The following TSPOAP1 variants were observed in gnomAD, a reference collection of about 807,000 sequenced individuals.
The protein encoded by TSPOAP1 is TSPO associated protein 1, also known as peripheral-type benzodiazepine receptor-associated protein 1.
Under a neutral mutation model 197.0 loss-of-function variants are expected in TSPOAP1, and 87 were observed. The observed-to-expected ratio is 0.44, with a 90% confidence interval of 0.37 to 0.53. The LOEUF (loss-of-function observed/expected upper bound fraction) is 0.53. Ranked by LOEUF, TSPOAP1 falls within the 20% of genes least tolerant of loss-of-function variation. TSPOAP1 has a pLI of 0.00. For synonymous variants in TSPOAP1, 913 were observed against 998.9 expected (o/e 0.91, Z 1.62); for missense variants, 2,174 against 2,411.3 (o/e 0.90, Z 2.06).
In TSPOAP1 at chr17:58,305,627, G is replaced by T. The variant is rs371064450; in HGVS notation, c.5274C>A (p.Val1758=). 13 of 1,546,466 alleles carry T rather than the reference G, an allele frequency of 8.4e-6. No individual in the cohort carries two copies. The highest frequency in any genetic ancestry group is 1.1e-5 in the Non-Finnish European group (13 of 1,145,614). ...AQPCPGPPKL[V]PSADLKAPHS... is the part of the protein sequence containing the mutation. Reference sequence around the variant, plus strand: ...GGGGAGCTTTCAGGTCAGCAGAGGGGACCAGCTTAGGGGGGCCTGCAGGGG... The same window carrying T: ...GGGGAGCTTTCAGGTCAGCAGAGGGTACCAGCTTAGGGGGGCCTGCAGGGG... Residue 1758 remains valine, a synonymous_variant, in exon 28 of 32, where the codon GTC becomes GTA. Coordinates refer to ENST00000343736, the MANE Select transcript of TSPOAP1 (RefSeq NM_004758.4).
rs576444688 is a variant in TSPOAP1 at position 58,302,337 on chromosome 17, C to T, written c.*143G>A. The T allele has an allele frequency of 1.6e-6, 2 of 1,289,498 alleles. No homozygotes were observed. The highest frequency in any genetic ancestry group is 2.0e-6 in the Non-Finnish European group (2 of 988,786). The allele number at this position is 1,289,498 out of a possible 1,614,324, so 79.9% of individuals were successfully genotyped here. A position where few individuals can be genotyped will look rare whatever the true frequency, so the allele number is the denominator to read the frequency against. ...CCTTGGAGAAGAAACCCCACACCTT[C>T]TCGCTTCTGCCCTGGGGCTCCCCAC... On this transcript the variant is annotated 3_prime_UTR_variant, in exon 32 of 32. Transcript: ENST00000343736.
intron 26 of TSPOAP1, 100 bp from the exon 27 acceptor site, chr17:58,305,965 G>T: frequency 7.2e-7 from 1 of 1,381,450 alleles, no homozygotes; most frequent in Non-Finnish European, 9.9e-7. Context: ...CAAGGAGGCA[G>T]GCAAGGAAGG....
Position 58,319,312 on chromosome 17 carries a change from A to G in TSPOAP1, c.1495-18T>C, listed in dbSNP as rs1410250801. The G allele has an allele frequency of 1.9e-6, 3 of 1,554,496 alleles. No individual in the cohort carries two copies. Among genetic ancestry groups the G allele is most frequent in the Non-Finnish European group, 2.6e-6 (3 of 1,148,348 alleles). ...ACCCGGGCCTGGGCCAAGACCCACC[A>G]TGAGCCGCCAGGCCCCTCAAAGCTA... On this transcript the variant is annotated intron_variant, in intron 12 of 31. Coordinates refer to ENST00000343736, the MANE Select transcript of TSPOAP1 (RefSeq NM_004758.4).
chr17:58,308,046 G>A (rs1970958440), intron 22 of TSPOAP1, 105 bp from the exon 23 acceptor site: 1 of 1,158,730 alleles, frequency 8.6e-7, no homozygotes, highest in South Asian at 1.5e-5. Context: ...AGCAGCGCAG[G>A]AGCACAGCAT....
chr17:58,309,122 G>A lies in TSPOAP1; in HGVS notation c.4150C>T (p.Pro1384Ser). The A allele has an allele frequency of 1.2e-6, 2 of 1,613,884 alleles. No individual in the cohort carries two copies. The highest frequency in any genetic ancestry group is 1.7e-6 in the Non-Finnish European group (2 of 1,180,036). ...PRRPGQCPLS[P>S]ESSRAGDCLE... The stretch of plus-strand genomic sequence containing the variant: ...CAGTCTCCAGCCCTGGAGGACTCAG[G>A]AGACAAGGGACACTGGCCAGGTCTT... The change falls in exon 22 of 32, where the codon CCT (proline) becomes TCT (serine). Residue 1384 changes from proline (P) to serine (S), a missense_variant. Physicochemically the swap from Pro to Ser is moderately conservative, Grantham distance 74 (BLOSUM62 -1). This residue lies in a region of TSPOAP1 where 1,933 missense variants were observed against 2,139.0 expected (regional missense o/e 0.90). Transcript: ENST00000343736. This position sits in a 1 kb window ranked among gnomAD's most constrained non-coding sequence, Gnocchi z 5.0.
chr17:58,323,479 C>T lies in TSPOAP1; in HGVS notation c.1009G>A (p.Val337Met), dbSNP rs749212300. 1.2e-6 allele frequency: 2 copies of T among 1,614,230 alleles called. No individual in the cohort carries two copies. The highest frequency in any genetic ancestry group is 1.7e-6 in the Non-Finnish European group (2 of 1,180,012). ...GACCTAGGACTTACCAGCTGCTGCA[C>T]CCTCTGCTCTTTCTCTGGCTCCCCT... is the stretch of plus-strand genomic sequence containing the variant. ...ILGEPEKEQR[V>M]QQLESELSKK... Residue 337 changes from valine to methionine, a missense_variant, in exon 6 of 32, where the codon GTG becomes ATG. Val to Met is a conservative substitution (Grantham distance 21, BLOSUM62 1). Around this residue, in one of 5 missense-constraint regions of TSPOAP1, gnomAD observed 1,933 missense variants for 2,139.0 expected, o/e 0.90. Coordinates refer to ENST00000343736, the MANE Select transcript of TSPOAP1 (RefSeq NM_004758.4).
rs767737282 is a variant in TSPOAP1 at position 58,305,170 on chromosome 17, C to A, written c.5435G>T (p.Gly1812Val). The A allele has an allele frequency of 6.2e-7, 1 of 1,610,082 alleles. No homozygotes were observed. Among genetic ancestry groups the A allele is most frequent in the Non-Finnish European group, 8.5e-7 (1 of 1,176,452 alleles). The change falls in exon 30 of 32, where the codon GGG becomes GTG. Residue 1812 changes from glycine to valine, a missense_variant and splice_region_variant. Gly to Val is a moderately radical substitution (Grantham distance 109). This residue lies in a region of TSPOAP1 where 60 missense variants were observed against 56.2 expected (regional missense o/e 1.07). Coordinates refer to ENST00000343736, the MANE Select transcript of TSPOAP1 (RefSeq NM_004758.4). ...GGMDDDGFYYGELNGQRGLVP... is the reference protein window; with the variant it reads ...GGMDDDGFYYVELNGQRGLVP... ...CAGGCCCCTTTGTCCATTTAATTCC[C>A]CCTGGAGAGAAGAGGCCGGTGAGAC...
chr17:58,320,708 G>A, intron 10 of TSPOAP1, 127 bp from the exon 11 acceptor site: 1 of 702,102 alleles, frequency 1.4e-6, no homozygotes, highest in East Asian at 3.3e-5. Context: ...GAAAGAAAAG[G>A]GTAGGGAGAG....
At chr17:58,306,617 G>A (rs1970902677) in intron 25 of TSPOAP1, 183 bp downstream of exon 25, 7 of 918,274 alleles carry the variant, frequency 7.6e-6, no homozygotes, top group Admixed American at 2.8e-5. Context: ...TGCAACAGAC[G>A]CCCACTCCAC....
At chr17:58,314,417 G>A (rs1971159048) in intron 16 of TSPOAP1, among the ~76,000 whole-genome samples, 2 of 152,298 alleles carry the variant, frequency 1.3e-5, no homozygotes, top group East Asian at 1.9e-4. Context: ...TAGATTATCC[G>A]GGTGGGTCCT....
rs563754505 is a variant in TSPOAP1 at position 58,302,095 on chromosome 17, A to C, written c.*385T>G. Reference sequence around the variant, plus strand: ...GTGCTTCTCTAGAGAGTTCATCCTTAAGGAGCCATTTAGCTCTGACCTTCA... The same window carrying C: ...GTGCTTCTCTAGAGAGTTCATCCTTCAGGAGCCATTTAGCTCTGACCTTCA... On this transcript the variant is annotated 3_prime_UTR_variant, in exon 32 of 32. Coordinates refer to ENST00000343736, the MANE Select transcript of TSPOAP1 (RefSeq NM_004758.4). 2.1e-6 allele frequency: 1 copy of C among 480,312 alleles called. No individual in the cohort carries two copies. The highest frequency in any genetic ancestry group is 2.1e-5 in the African/African-American group (1 of 48,442). 29.8% of individuals were successfully genotyped at this position (480,312 alleles called of 1,614,324 possible).
intron 10 of TSPOAP1, among the ~76,000 whole-genome samples, chr17:58,321,580 G>C (rs978471283): frequency 6.6e-6 from 1 of 152,188 alleles, no homozygotes; most frequent in Non-Finnish European, 1.5e-5. Flanking sequence ...TGACAGGCAT[G>C]AGCCACCATG....
chr17:58,322,426 T>C lies in TSPOAP1; in HGVS notation c.1318-14A>G. On this transcript the variant is annotated splice_polypyrimidine_tract_variant and intron_variant, in intron 9 of 31. Coordinates refer to ENST00000343736, the MANE Select transcript of TSPOAP1 (RefSeq NM_004758.4). The surrounding 1 kb of genome is among the most constrained non-coding windows in gnomAD (Gnocchi z 5.0). The stretch of plus-strand genomic sequence containing the variant: ...CTCCCGCATGTGCTGAAACACAAGA[T>C]CTGAGTCAAGGCCAGAGCCCCTACT... 6.2e-7 allele frequency: 1 copy of C among 1,605,210 alleles called. No homozygotes were observed. Among genetic ancestry groups the C allele is most frequent in the Non-Finnish European group, 8.5e-7 (1 of 1,179,802 alleles).
Position 58,327,698 on chromosome 17 carries a change from T to A in TSPOAP1, c.223A>T (p.Thr75Ser), listed in dbSNP as rs201273581. Residue 75 changes from threonine to serine, a missense_variant, in exon 1 of 32, where the codon ACT becomes TCT. Thr to Ser is a moderately conservative substitution (Grantham distance 58). Coordinates refer to ENST00000343736, the MANE Select transcript of TSPOAP1 (RefSeq NM_004758.4). ...GDGSSRPVGG[T>S]DPEGAEACLP... The stretch of plus-strand genomic sequence containing the variant: ...CAAGCCTCTGCTCCTTCAGGGTCAG[T>A]TCCCCCCACGGGCCTGGAGCTCCCG... 4 of 1,613,888 alleles carry A rather than the reference T, an allele frequency of 2.5e-6. No homozygotes were observed. The highest frequency in any genetic ancestry group is 1.7e-5 in the Admixed American group (1 of 60,010).
rs1330647018 is a variant in TSPOAP1 at position 58,304,239 on chromosome 17, G to A, written c.*32+99C>T. ...TTCGCCATTCCCTGGACTACAGTGG[G>A]AAAGCTGGGTCAGCTCCAGTATTTG... is the stretch of plus-strand genomic sequence containing the variant. On this transcript the variant is annotated intron_variant, in intron 31 of 31. Coordinates refer to ENST00000343736, the MANE Select transcript of TSPOAP1 (RefSeq NM_004758.4). This position sits in a 1 kb window ranked among gnomAD's most constrained non-coding sequence, Gnocchi z 4.2. 2 of 1,077,320 alleles carry A rather than the reference G, an allele frequency of 1.9e-6. No individual in the cohort carries two copies. The highest frequency in any genetic ancestry group is 3.1e-5 in the African/African-American group (2 of 63,922). 66.7% of individuals were successfully genotyped at this position (1,077,320 alleles called of 1,614,324 possible).
At chr17:58,321,215 A>C (rs1971395490) in intron 10 of TSPOAP1, among the ~76,000 whole-genome samples, 1 of 151,936 alleles carries the variant, frequency 6.6e-6, no homozygotes. Context: ...GAGTATGAAG[A>C]GCCCCACCCT....
rs770980024 is a variant in TSPOAP1 at position 58,307,722 on chromosome 17, G to A, written c.4872C>T (p.His1624=). ...GAGCCACAAAGATCCTGACGGGTAG[G>A]TGCTGGTAAGCCAGTGTTTCTGAGG... ...RSPSETLAYQ[H]LPVRIFVALF... The change falls in exon 24 of 32, where the codon CAC becomes CAT. Residue 1624 remains histidine, a synonymous_variant. Coordinates refer to ENST00000343736, the MANE Select transcript of TSPOAP1 (RefSeq NM_004758.4). 1.2e-6 allele frequency: 2 copies of A among 1,614,198 alleles called. No homozygotes were observed. Among genetic ancestry groups the A allele is most frequent in the Admixed American group, 1.7e-5 (1 of 60,034 alleles).
In TSPOAP1 at chr17:58,315,574, G is replaced by A. The variant is rs569666552; in HGVS notation, c.2098+449C>T. Among the ~76,000 whole-genome samples the A allele has an allele frequency of 2.6e-5, 4 of 152,298 alleles. No individual in the cohort carries two copies. In the East Asian group the frequency reaches 5.8e-4, roughly 22 times the overall value. ...GCCTGGGCCCTGACAGCTGCTAACC[G>A]CTTGAGAACACCTTCCCCTGGGATC... On this transcript the variant is annotated intron_variant, in intron 16 of 31. Coordinates refer to ENST00000343736, the MANE Select transcript of TSPOAP1 (RefSeq NM_004758.4).
chr17:58,305,125 T>C lies in TSPOAP1; in HGVS notation c.5480A>G (p.Glu1827Gly). Residue 1827 changes from glutamate (E) to glycine (G), a missense_variant, in exon 30 of 32, where the codon GAG becomes GGG. By Grantham distance (98) the Glu-to-Gly change is moderately conservative. This residue lies in a region of TSPOAP1 where 60 missense variants were observed against 56.2 expected (regional missense o/e 1.07). Transcript: ENST00000343736. ...GCCGCCTGCCTCAGGCCCAGGGCCC[T>C]CCAGGAAGTTGGATGGAACCAGGCC... Reference protein sequence around the residue: ...QRGLVPSNFLEGPGPEAGGLD... With the variant: ...QRGLVPSNFLGGPGPEAGGLD... The C allele has an allele frequency of 6.2e-7, 1 of 1,613,916 alleles. No homozygotes were observed. The highest frequency in any genetic ancestry group is 8.5e-7 in the Non-Finnish European group (1 of 1,179,918).
Sources: gnomAD v4.1 joint callset for allele counts (sites outside exome capture counted in the v4.1 genomes callset) on GRCh38, gnomAD v4.1.1 for gene constraint, gnomAD v4.1.1 regional missense constraint, Gnocchi (gnomAD v3.1) non-coding constraint, MANE v1.5 for transcripts, NCBI Gene and HGNC (gene_info 2026-07-23, HGNC 2026-07-21) for gene names.